Variants in LRRC37A2 observed in about 807,000 individuals in gnomAD.
LRRC37A2 encodes leucine-rich repeat-containing protein 37A2.
Under a neutral mutation model 68.8 loss-of-function variants are expected in LRRC37A2, and 9 were observed. That is an observed-to-expected ratio of 0.13 (90% CI 0.08 to 0.23). The LOEUF is 0.23. LRRC37A2 is among the 10% of genes least tolerant of loss of function. LRRC37A2 has a pLI of 1.00. For missense variants in LRRC37A2, 168 were observed against 950.4 expected (o/e 0.18, Z 10.82); for synonymous variants, 63 against 367.6 (o/e 0.17, Z 9.48).
At chr17:46,939,070 C>G in the LRRC37A2 span, 36 of 1,228,526 alleles carry the variant, frequency 2.9e-5, no homozygotes, top group Non-Finnish European at 3.7e-5. Context: ...ATAGCTGATG[C>G]GTGCCCTGGG....
chr17:46,891,416 C>T, the LRRC37A2 span, among the ~76,000 whole-genome samples: 6 of 152,214 alleles, frequency 3.9e-5, no homozygotes, highest in East Asian at 1.9e-4. Context: ...AAAGCAAGGT[C>T]GCCAGGGCCC....
At chr17:46,631,061 TACACACACACACACACACACAC>T in the LRRC37A2 span, among the ~76,000 whole-genome samples, 21 of 122,852 alleles carry the variant, frequency 1.7e-4, no homozygotes, top group African/African-American at 7.4e-4. Flanking sequence ...TCTCTCTCTG[TACACACACACACACACACACAC>T]ACACACACAC....
chr17:46,788,220 T>C, the LRRC37A2 span, among the ~76,000 whole-genome samples: 2 of 152,226 alleles, frequency 1.3e-5, no homozygotes, highest in African/African-American at 4.8e-5. Context: ...CTCCACTAAG[T>C]GGAATTCTAA....
At chr17:46,949,163 C>T in the LRRC37A2 span, 35 of 152,336 alleles carry the variant, frequency 2.3e-4, no homozygotes, top group African/African-American at 8.4e-4. Flanking sequence ...TGTCTGGGGC[C>T]TCAGATGGAA....
At chr17:46,771,077 G>A in the LRRC37A2 span, among the ~76,000 whole-genome samples, 4 of 152,184 alleles carry the variant, frequency 2.6e-5, no homozygotes, top group South Asian at 8.3e-4. Context: ...GCTGTGGGCC[G>A]AGTGCTGCAA....
chr17:46,735,006 T>TA, the LRRC37A2 span, among the ~76,000 whole-genome samples: 1 of 152,302 alleles, frequency 6.6e-6, no homozygotes, highest in South Asian at 2.1e-4. Flanking sequence ...AGCTGATTCT[T>TA]ACCACCGCAC....
At chr17:47,018,590 G>C in the LRRC37A2 span, 1 of 1,520,300 alleles carries the variant, frequency 6.6e-7, no homozygotes, top group South Asian at 1.1e-5. Flanking sequence ...CAGAGTCATC[G>C]GAAGAAGCTG....
chr17:47,047,787 A>G, the LRRC37A2 span, among the ~76,000 whole-genome samples: 2 of 151,796 alleles, frequency 1.3e-5, no homozygotes, highest in East Asian at 1.9e-4. Context: ...CTCTTCTAAT[A>G]GAATGGAGGG....
chr17:46,818,874 G>C, the LRRC37A2 span: 1 of 521,334 alleles, frequency 1.9e-6, no homozygotes, highest in Admixed American at 3.5e-5. Context: ...CCCACAACTC[G>C]GGCTCCGGGA....
the LRRC37A2 span, chr17:46,936,848 G>T: frequency 1.0e-6 from 1 of 984,202 alleles, no homozygotes; most frequent in Non-Finnish European, 1.2e-6. Flanking sequence ...AATTTCTCTG[G>T]CTGAGGCTTC....
At chr17:47,004,731 T>C in the LRRC37A2 span, among the ~76,000 whole-genome samples, 1 of 152,230 alleles carries the variant, frequency 6.6e-6, no homozygotes. Flanking sequence ...CGTCTCACTA[T>C]GTTGCCCAGG....
chr17:46,913,051 G>A, the LRRC37A2 span, among the ~76,000 whole-genome samples: 257 of 152,332 alleles, frequency 1.7e-3, 1 homozygote, highest in African/African-American at 5.9e-3. Context: ...AGCACAGAAC[G>A]AGCCACGGCT....
the LRRC37A2 span, among the ~76,000 whole-genome samples, chr17:46,782,474 G>A: frequency 2.0e-5 from 3 of 152,214 alleles, no homozygotes; most frequent in African/African-American, 7.2e-5. Context: ...GCCCAGAAGG[G>A]CTCCACCCTC....
the LRRC37A2 span, among the ~76,000 whole-genome samples, chr17:46,920,218 T>C: frequency 6.6e-6 from 1 of 152,212 alleles, no homozygotes; most frequent in South Asian, 2.1e-4. Context: ...TCATATGCTA[T>C]TTTGTCCATG....
chr17:46,946,101 C>T, the LRRC37A2 span, among the ~76,000 whole-genome samples: 1 of 151,986 alleles, frequency 6.6e-6, no homozygotes, highest in African/African-American at 2.4e-5. Context: ...ACCTGGGAAT[C>T]AATTCTCTGT....
At chr17:46,748,876 A>G in the LRRC37A2 span, among the ~76,000 whole-genome samples, 1 of 152,250 alleles carries the variant, frequency 6.6e-6, no homozygotes, top group Non-Finnish European at 1.5e-5. Flanking sequence ...AAGGAAATTG[A>G]ATAGTACTCT....
the LRRC37A2 span, among the ~76,000 whole-genome samples, chr17:46,969,319 T>G: frequency 6.6e-6 from 1 of 152,188 alleles, no homozygotes; most frequent in African/African-American, 2.4e-5. Flanking sequence ...GGGGGGCCAC[T>G]GAGAGCCGGG....
the LRRC37A2 span, among the ~76,000 whole-genome samples, chr17:46,765,448 A>G: frequency 6.6e-6 from 1 of 152,246 alleles, no homozygotes; most frequent in East Asian, 1.9e-4. Flanking sequence ...AAGCTACAGA[A>G]AAGGTGTTTT....
chr17:46,932,076 C>A, the LRRC37A2 span: 221 of 1,613,566 alleles, frequency 1.4e-4, 6 homozygotes, highest in South Asian at 2.3e-3. Context: ...GTCGGGTTGA[C>A]CAGTTAAAGT....
Sources: allele counts gnomAD v4.1 joint callset (sites outside exome capture counted in the v4.1 genomes callset), GRCh38; gene constraint gnomAD v4.1.1; transcripts MANE v1.5; gene names NCBI Gene and HGNC (gene_info 2026-07-23, HGNC 2026-07-21).